Variants in PAPPA2 observed in about 807,000 individuals in gnomAD.
PAPPA2 encodes the protein pappalysin 2.
A neutral mutation model predicts 176.4 loss-of-function variants in PAPPA2; 86 were observed. That is an observed-to-expected ratio of 0.49 (90% CI 0.41 to 0.58). PAPPA2 has a LOEUF of 0.58. Among genes scored for constraint, PAPPA2 ranks in the 20% least tolerant of loss-of-function variants. PAPPA2 has a pLI of 0.00. For synonymous variants in PAPPA2, 809 were observed against 852.2 expected (o/e 0.95, Z 0.88); for missense variants, 2,073 against 2,256.9 (o/e 0.92, Z 1.65).
intron 12 of PAPPA2, among the ~76,000 whole-genome samples, chr1:176,736,181 T>C (rs1414515965): frequency 6.6e-6 from 1 of 151,858 alleles, no homozygotes; most frequent in Admixed American, 6.6e-5. Flanking sequence ...GCATTTGGAG[T>C]GATCAGAAGA....
intron 10 of PAPPA2, among the ~76,000 whole-genome samples, chr1:176,706,949 G>T (rs1660907715): frequency 6.6e-6 from 1 of 152,122 alleles, no homozygotes; most frequent in African/African-American, 2.4e-5. Flanking sequence ...GAATAAAAGA[G>T]GATCCTAACA....
intron 5 of PAPPA2, chr1:176,690,778 T>G: frequency 9.3e-7 from 1 of 1,079,856 alleles, no homozygotes; most frequent in Non-Finnish European, 1.1e-6. Context: ...CTTAGACATT[T>G]ACTCTGAAGA....
chr1:176,759,239 A>G (rs1049937208), intron 14 of PAPPA2, among the ~76,000 whole-genome samples: 9 of 152,252 alleles, frequency 5.9e-5, no homozygotes, highest in Non-Finnish European at 1.3e-4. Flanking sequence ...GCTAAAGCTC[A>G]ATTAAGTGCT....
chr1:176,616,697 A>T (rs573584626), intron 3 of PAPPA2: 2 of 1,496,892 alleles, frequency 1.3e-6, no homozygotes, highest in East Asian at 2.3e-5. Flanking sequence ...CTATAAATTT[A>T]TTTAAGGTCA....
At chr1:176,582,682 A>T (rs2102631032) in intron 2 of PAPPA2, among the ~76,000 whole-genome samples, 1 of 152,118 alleles carries the variant, frequency 6.6e-6, no homozygotes, top group Non-Finnish European at 1.5e-5. Flanking sequence ...CGAGGATTTT[A>T]ACATCTATAT....
chr1:176,591,738 TTAGTTTGCTGAATTAATGAACAAGTA>T (rs1230485300), intron 2 of PAPPA2, among the ~76,000 whole-genome samples: 1 of 152,178 alleles, frequency 6.6e-6, no homozygotes, highest in Non-Finnish European at 1.5e-5. Flanking sequence ...TCTCATTCCG[TTAGTTTGCTGAATTAATGAACAAGTA>T]TGTATCACTG....
At chr1:176,565,674 G>C (rs558721512) in intron 2 of PAPPA2, among the ~76,000 whole-genome samples, 14 of 152,234 alleles carry the variant, frequency 9.2e-5, no homozygotes, top group Admixed American at 9.2e-4. Context: ...CCAGCCTGGG[G>C]GACAGAATGA....
intron 3 of PAPPA2, among the ~76,000 whole-genome samples, chr1:176,611,108 A>G (rs980147476): frequency 3.3e-5 from 5 of 152,206 alleles, no homozygotes; most frequent in African/African-American, 7.2e-5. Flanking sequence ...ACTGTCATCA[A>G]AATAATCATT....
intron 3 of PAPPA2, among the ~76,000 whole-genome samples, chr1:176,620,984 G>T (rs1655561462): frequency 6.6e-6 from 1 of 152,160 alleles, no homozygotes; most frequent in African/African-American, 2.4e-5. Flanking sequence ...CAGCAAAGAG[G>T]TTAAAGTTTC....
chr1:176,600,671 G>C (rs1310948901), intron 3 of PAPPA2, among the ~76,000 whole-genome samples: 1 of 94,224 alleles, frequency 1.1e-5, no homozygotes, highest in African/African-American at 5.3e-5. Flanking sequence ...GCGAGACTCC[G>C]TCTCAAAAAA....
At chr1:176,689,240 A>G (rs1459160561) in intron 4 of PAPPA2, among the ~76,000 whole-genome samples, 2 of 152,186 alleles carry the variant, frequency 1.3e-5, no homozygotes, top group African/African-American at 4.8e-5. Flanking sequence ...GGATTCCAAC[A>G]AGCTACACAG....
intron 3 of PAPPA2, among the ~76,000 whole-genome samples, chr1:176,620,527 T>C (rs1655525282): frequency 6.6e-6 from 1 of 152,228 alleles, no homozygotes; most frequent in Admixed American, 6.5e-5. Flanking sequence ...TAGTAAATAA[T>C]TTAGGCTTTG....
At chr1:176,595,836 T>TA (rs1342068913) in intron 3 of PAPPA2, among the ~76,000 whole-genome samples, 1 of 152,198 alleles carries the variant, frequency 6.6e-6, no homozygotes, top group Non-Finnish European at 1.5e-5. Context: ...GAAAGCTGTG[T>TA]ACACAGTGTG....
chr1:176,601,017 C>CATATGTTAG, intron 3 of PAPPA2, among the ~76,000 whole-genome samples: 2 of 152,106 alleles, frequency 1.3e-5, no homozygotes, highest in Admixed American at 6.6e-5. Context: ...ATGTGTCTCC[C>CATATGTTAG]AAAGTTCATA....
chr1:176,739,679 T>C lies in PAPPA2; in HGVS notation c.3852T>C (p.Thr1284=). The C allele has an allele frequency of 6.2e-7, 1 of 1,613,732 alleles. No individual in the cohort carries two copies. Residue 1284 remains threonine (T), a synonymous_variant, in exon 13 of 23, where the codon ACT becomes ACC. Transcript: ENST00000367662. ...EARAIFIFLT[T]DGLVPGEHQQ... ...GAGCAATTTTTATTTTTTTGACAACTGATGGCCTAGTTCCCGGAGAGCATC... is the reference window on the plus strand; with the variant it reads ...GAGCAATTTTTATTTTTTTGACAACCGATGGCCTAGTTCCCGGAGAGCATC...
At chr1:176,477,227 G>C (rs1160026654) in intron 1 of PAPPA2, among the ~76,000 whole-genome samples, 1 of 152,026 alleles carries the variant, frequency 6.6e-6, no homozygotes, top group African/African-American at 2.4e-5. Context: ...TTGTGACCTT[G>C]CTGCATGCTC....
intron 2 of PAPPA2, among the ~76,000 whole-genome samples, chr1:176,567,068 A>G (rs367958918): frequency 2.0e-5 from 3 of 152,318 alleles, no homozygotes; most frequent in South Asian, 4.2e-4. Context: ...CCCTGGCCCT[A>G]GAACCTTCCA....
intron 1 of PAPPA2, among the ~76,000 whole-genome samples, chr1:176,531,739 G>A (rs1176678625): frequency 6.6e-6 from 1 of 152,142 alleles, no homozygotes; most frequent in African/African-American, 2.4e-5. Flanking sequence ...TCTTTACACA[G>A]ATCCCCAGGA....
chr1:176,562,325 A>G (rs543814120), intron 2 of PAPPA2, among the ~76,000 whole-genome samples: 3 of 152,294 alleles, frequency 2.0e-5, no homozygotes, highest in East Asian at 3.9e-4. Context: ...TGTCATCCAC[A>G]TAGAATATGG....
Sources: allele counts gnomAD v4.1 joint callset (sites outside exome capture counted in the v4.1 genomes callset), GRCh38; gene constraint gnomAD v4.1.1; transcripts MANE v1.5; gene names NCBI Gene and HGNC (gene_info 2026-07-23, HGNC 2026-07-21).